Variants in UNC5D observed in about 807,000 individuals in gnomAD.
UNC5D encodes unc-5 netrin receptor D.
Under a neutral mutation model 105.4 loss-of-function variants are expected in UNC5D, and 39 were observed. The observed-to-expected ratio is 0.37, with a 90% CI of 0.29 to 0.48. The LOEUF (loss-of-function observed/expected upper bound fraction) is 0.48, where lower values mean the gene tolerates loss of function less well. Among genes scored for constraint, UNC5D ranks in the 20% least tolerant of loss-of-function variants. The pLI, the probability that UNC5D is intolerant of heterozygous loss-of-function variation, is 0.98. For synonymous variants in UNC5D, 452 were observed against 450.4 expected (o/e 1.00, Z -0.04); for missense variants, 991 against 1,202.4 (o/e 0.82, Z 2.60).
chr8:35,303,013 A>T (rs958149053), intron 1 of UNC5D, among the ~76,000 whole-genome samples: 15 of 152,100 alleles, frequency 9.9e-5, no homozygotes, highest in Non-Finnish European at 1.6e-4. Flanking sequence ...GAGAAAAAGA[A>T]ACAGGGGAAA....
At chr8:35,595,187 T>G (rs149685591) in intron 3 of UNC5D, among the ~76,000 whole-genome samples, 1 of 152,344 alleles carries the variant, frequency 6.6e-6, no homozygotes, top group African/African-American at 2.4e-5. Flanking sequence ...GCATCTCAAC[T>G]GCATAATAGC....
intron 13 of UNC5D, among the ~76,000 whole-genome samples, chr8:35,753,606 T>C (rs567764177): frequency 1.3e-5 from 2 of 152,340 alleles, no homozygotes; most frequent in African/African-American, 4.8e-5. Flanking sequence ...AGAATAATGT[T>C]TTTTGGTAGA....
chr8:35,371,957 G>T lies in UNC5D; in HGVS notation c.103+136070G>T, dbSNP rs916946422. Among the ~76,000 whole-genome samples the T allele has an allele frequency of 2.0e-5, 3 of 152,114 alleles. No individual in the cohort carries two copies. The East Asian group carries it at 5.8e-4, about 29-fold the overall frequency. ...TTGTCTAATTGGGTGGGTTATGGGG[G>T]AATCATCACGACATGGCGGCATCTG... On this transcript the variant is annotated intron_variant, in intron 1 of 16. Coordinates refer to ENST00000404895, the MANE Select transcript of UNC5D (RefSeq NM_080872.4).
At chr8:35,502,695 A>T (rs573188729) in intron 1 of UNC5D, among the ~76,000 whole-genome samples, 2 of 151,200 alleles carry the variant, frequency 1.3e-5, no homozygotes, top group Non-Finnish European at 2.9e-5. Flanking sequence ...AGTAGCTGGG[A>T]CTACAGGTGC....
chr8:35,628,017 T>A (rs1412843822), intron 4 of UNC5D, among the ~76,000 whole-genome samples: 1 of 152,214 alleles, frequency 6.6e-6, no homozygotes, highest in Non-Finnish European at 1.5e-5. Context: ...AAGGTGTGCA[T>A]TAGTCTGTAT....
At chr8:35,592,480 A>T (rs1424937394) in intron 3 of UNC5D, among the ~76,000 whole-genome samples, 3 of 152,176 alleles carry the variant, frequency 2.0e-5, no homozygotes, top group African/African-American at 4.8e-5. Context: ...AAGTGTTCAG[A>T]TTGCCTATTC....
intron 1 of UNC5D, among the ~76,000 whole-genome samples, chr8:35,469,943 T>A (rs1809584191): frequency 6.6e-6 from 1 of 152,224 alleles, no homozygotes; most frequent in South Asian, 2.1e-4. Flanking sequence ...TTCTTCAATG[T>A]ATGCTACATA....
intron 4 of UNC5D, among the ~76,000 whole-genome samples, chr8:35,637,696 C>G (rs1822468971): frequency 6.6e-6 from 1 of 152,168 alleles, no homozygotes; most frequent in Admixed American, 6.5e-5. Context: ...GCTCTGTTTG[C>G]ATTGCCATCT....
At chr8:35,669,741 T>C (rs760755062) in intron 4 of UNC5D, among the ~76,000 whole-genome samples, 5 of 152,120 alleles carry the variant, frequency 3.3e-5, no homozygotes, top group African/African-American at 4.8e-5. Flanking sequence ...AGTGAATCTC[T>C]ATTTCTCAGA....
intron 2 of UNC5D, among the ~76,000 whole-genome samples, chr8:35,560,614 T>A (rs560431129): frequency 6.6e-6 from 1 of 152,298 alleles, no homozygotes; most frequent in Admixed American, 6.5e-5. Flanking sequence ...ATACAAAGAA[T>A]TCGTGATTTG....
chr8:35,538,398 TATATATA>T (rs1563513966), intron 1 of UNC5D, among the ~76,000 whole-genome samples: 907 of 19,130 alleles, frequency 0.047, 22 homozygotes, highest in African/African-American at 0.13. Context: ...AAAATAATTA[TATATATA>T]TATATATATA....
At chr8:35,298,586 G>GTTTTTTTTTTTTTTTTTT (rs35299004) in intron 1 of UNC5D, among the ~76,000 whole-genome samples, 4 of 110,574 alleles carry the variant, frequency 3.6e-5, no homozygotes, top group Non-Finnish European at 3.5e-5. Flanking sequence ...ATTGTTGTAG[G>GTTTTTTTTTTTTTTTTTT]TTTTTTTTTT....
chr8:35,321,363 T>C (rs1478064774), intron 1 of UNC5D, among the ~76,000 whole-genome samples: 1 of 152,118 alleles, frequency 6.6e-6, no homozygotes, highest in Non-Finnish European at 1.5e-5. Flanking sequence ...GTGGAGGTAA[T>C]TGAATCATGG....
In UNC5D at chr8:35,358,478, G is replaced by T. The variant is rs551350681; in HGVS notation, c.103+122591G>T. On this transcript the variant is annotated intron_variant, in intron 1 of 16. Coordinates refer to ENST00000404895, the MANE Select transcript of UNC5D (RefSeq NM_080872.4). Reference sequence around the variant, plus strand: ...AGGGAGGGGAATAATACATACTGAGGCCTGTTTAGTGGTGAGGGTCAGGGG... The same window carrying T: ...AGGGAGGGGAATAATACATACTGAGTCCTGTTTAGTGGTGAGGGTCAGGGG... Among the ~76,000 whole-genome samples the T allele has an allele frequency of 3.6e-4, 55 of 152,228 alleles. No homozygotes were observed. In the Middle Eastern group the frequency reaches 0.01, roughly 28 times the overall value.
At chr8:35,252,048 G>C (rs890527238) in intron 1 of UNC5D, among the ~76,000 whole-genome samples, 5 of 138,464 alleles carry the variant, frequency 3.6e-5, no homozygotes, top group African/African-American at 1.4e-4. Flanking sequence ...TTTTGAGATG[G>C]AGTCTCACTG....
chr8:35,536,541 A>G (rs1434843073), intron 1 of UNC5D, among the ~76,000 whole-genome samples: 6 of 152,176 alleles, frequency 3.9e-5, no homozygotes, highest in East Asian at 3.9e-4. Context: ...TTAAAGATGT[A>G]TGTTCTTCCC....
chr8:35,691,951 G>A (rs1276999709), intron 7 of UNC5D, among the ~76,000 whole-genome samples: 2 of 152,186 alleles, frequency 1.3e-5, no homozygotes, highest in Non-Finnish European at 2.9e-5. Flanking sequence ...CTTCAGAAGG[G>A]ATTAGCACCT....
At chr8:35,667,699 TA>T (rs1373322944) in intron 4 of UNC5D, among the ~76,000 whole-genome samples, 1 of 152,216 alleles carries the variant, frequency 6.6e-6, no homozygotes, top group Non-Finnish European at 1.5e-5. Flanking sequence ...TCTTTGAATG[TA>T]GACATAATAA....
chr8:35,255,162 C>G (rs896954624), intron 1 of UNC5D: 3 of 152,172 alleles, frequency 2.0e-5, no homozygotes, highest in African/African-American at 7.2e-5. Flanking sequence ...CACTCAAGTG[C>G]TAAACTAACA....
Sources: allele counts gnomAD v4.1 joint callset (sites outside exome capture counted in the v4.1 genomes callset), GRCh38; gene constraint gnomAD v4.1.1; transcripts MANE v1.5; gene names NCBI Gene and HGNC (gene_info 2026-07-23, HGNC 2026-07-21).